TMEM132D: variants seen among roughly 807,000 people sequenced by gnomAD.
The protein encoded by TMEM132D is mature OL transmembrane protein.
TMEM132D carries 21 observed loss-of-function variants against 62.3 expected under a neutral mutation model. That is an observed-to-expected ratio of 0.34 (90% CI 0.24 to 0.49). TMEM132D has a LOEUF of 0.49. Ranked by LOEUF, TMEM132D falls within the 20% of genes least tolerant of loss-of-function variation. The pLI, the probability that TMEM132D is intolerant of heterozygous loss-of-function variation, is 0.99. For missense variants in TMEM132D, 1,346 were observed against 1,402.8 expected (o/e 0.96, Z 0.65); for synonymous variants, 621 against 575.6 (o/e 1.08, Z -1.13).
intron 4 of TMEM132D, among the ~76,000 whole-genome samples, chr12:129,332,860 A>T (rs537929548): frequency 5.6e-4 from 85 of 152,250 alleles, no homozygotes; most frequent in African/African-American, 1.9e-3. Flanking sequence ...GTGTCTGGGG[A>T]GGAGGGAAGA....
intron 3 of TMEM132D, among the ~76,000 whole-genome samples, chr12:129,502,978 G>A (rs777491792): frequency 1.3e-5 from 2 of 152,138 alleles, no homozygotes; most frequent in Non-Finnish European, 2.9e-5. Context: ...AACCTTGACT[G>A]TCTATCTTAT....
chr12:129,122,782 G>C (rs1168156518), intron 5 of TMEM132D, among the ~76,000 whole-genome samples: 1 of 152,110 alleles, frequency 6.6e-6, no homozygotes, highest in African/African-American at 2.4e-5. Context: ...ATGCAAAATA[G>C]GTTTTATCAG....
intron 1 of TMEM132D, among the ~76,000 whole-genome samples, chr12:129,822,010 G>A (rs1292514766): frequency 1.3e-5 from 2 of 152,216 alleles, no homozygotes; most frequent in Non-Finnish European, 2.9e-5. Context: ...GCAAAAGACA[G>A]ACGTGATCTT....
At chr12:129,301,704 T>C (rs535931941) in intron 4 of TMEM132D, among the ~76,000 whole-genome samples, 125 of 152,272 alleles carry the variant, frequency 8.2e-4, no homozygotes, top group African/African-American at 2.6e-3. Flanking sequence ...TTATGCATTA[T>C]TTAATTAAAG....
At chr12:129,187,736 T>C (rs761271979) in intron 5 of TMEM132D, among the ~76,000 whole-genome samples, 4 of 152,150 alleles carry the variant, frequency 2.6e-5, no homozygotes, top group Non-Finnish European at 5.9e-5. Context: ...TCCTGTGGAG[T>C]CATCCTTCCA....
chr12:129,721,807 A>G (rs544018096), intron 1 of TMEM132D, among the ~76,000 whole-genome samples: 13 of 152,282 alleles, frequency 8.5e-5, no homozygotes, highest in Admixed American at 7.2e-4. Context: ...AATCCATCCC[A>G]TTAGAGAGCA....
In TMEM132D at chr12:129,274,316, G is replaced by C. The variant is rs545022354; in HGVS notation, c.1299+63318C>G. 9.4e-5 allele frequency among the ~76,000 whole-genome samples: 14 copies of C among 149,422 alleles called. No individual in the cohort carries two copies. The South Asian group carries it at 2.7e-3, about 29-fold the overall frequency. ...GCATTCTTGGGTCTAGAGTTTATCAGCAAATAGAATTAGAAGCAACTTTAG... is the reference window on the plus strand; with the variant it reads ...GCATTCTTGGGTCTAGAGTTTATCACCAAATAGAATTAGAAGCAACTTTAG... On this transcript the variant is annotated intron_variant, in intron 4 of 8. Transcript: ENST00000422113.
chr12:129,700,509 A>T lies in TMEM132D; in HGVS notation c.269T>A (p.Leu90Gln), dbSNP rs78136296. ...CCCGTAGCTGGCATTGAGGACAGGC[A>T]GCCTCCTGGATTTGTAAATCAGAAA... Reference protein sequence around the residue: ...ESFLIYKSRRLPVLNASYGPF... With the variant: ...ESFLIYKSRRQPVLNASYGPF... The change falls in exon 2 of 9, where the codon CTG becomes CAG. Residue 90 changes from leucine to glutamine, a missense_variant. Leu to Gln is a moderately radical substitution (Grantham distance 113, BLOSUM62 -2). Transcript: ENST00000422113. The T allele has an allele frequency of 2.4e-3, 3,817 of 1,614,164 alleles. 138 individuals carry two copies. In the East Asian group the frequency reaches 0.066, roughly 28 times the overall value.
chr12:129,518,973 C>T (rs1018336169), intron 3 of TMEM132D, among the ~76,000 whole-genome samples: 2 of 152,124 alleles, frequency 1.3e-5, no homozygotes, highest in African/African-American at 4.8e-5. Context: ...TTCTTTGAAG[C>T]TTTCCATTGG....
intron 5 of TMEM132D, among the ~76,000 whole-genome samples, chr12:129,180,208 TGGGGAGGAG>T (rs1878025779): frequency 7.9e-6 from 1 of 127,086 alleles, no homozygotes; most frequent in Non-Finnish European, 1.7e-5. Flanking sequence ...GCACAGATAG[TGGGGAGGAG>T]GAGGAGGAGG....
At chr12:129,197,007 C>T (rs1198872916) in intron 5 of TMEM132D, among the ~76,000 whole-genome samples, 1 of 152,000 alleles carries the variant, frequency 6.6e-6, no homozygotes, top group African/African-American at 2.4e-5. Flanking sequence ...CAGTAGAGTC[C>T]ATGAGCAGAG....
intron 5 of TMEM132D, among the ~76,000 whole-genome samples, chr12:129,136,724 C>G (rs1391294952): frequency 6.6e-6 from 1 of 151,782 alleles, no homozygotes. Context: ...TCATCCCCAT[C>G]ACCACCACCA....
At chr12:129,460,121 A>G (rs1158652793) in intron 3 of TMEM132D, among the ~76,000 whole-genome samples, 1 of 152,178 alleles carries the variant, frequency 6.6e-6, no homozygotes, top group Non-Finnish European at 1.5e-5. Flanking sequence ...CCACAACTAC[A>G]ATCAAGACTG....
In TMEM132D at chr12:129,251,537, C is replaced by T. The variant is rs573735497; in HGVS notation, c.1300-41874G>A. Among the ~76,000 whole-genome samples, 20 of 152,236 alleles carry T rather than the reference C, an allele frequency of 1.3e-4. No individual in the cohort carries two copies. In the South Asian group the frequency reaches 3.5e-3, roughly 27 times the overall value. Reference sequence around the variant, plus strand: ...AGGCATCTCGGCATTCAATTTTATACTAAGCCCCTAAACTTTAAAGCTCGT... The same window carrying T: ...AGGCATCTCGGCATTCAATTTTATATTAAGCCCCTAAACTTTAAAGCTCGT... On this transcript the variant is annotated intron_variant, in intron 4 of 8. Coordinates refer to ENST00000422113, the MANE Select transcript of TMEM132D (RefSeq NM_133448.3).
At chr12:129,890,589 G>A (rs1485663157) in intron 1 of TMEM132D, among the ~76,000 whole-genome samples, 1 of 152,142 alleles carries the variant, frequency 6.6e-6, no homozygotes, top group East Asian at 1.9e-4. Flanking sequence ...GCACAATTGT[G>A]GAAAAGAGAT....
chr12:129,129,530 G>A (rs1260312022), intron 5 of TMEM132D, among the ~76,000 whole-genome samples: 1 of 152,190 alleles, frequency 6.6e-6, no homozygotes, highest in African/African-American at 2.4e-5. Context: ...TGGGTTGAAT[G>A]GTAGTTCTGG....
intron 1 of TMEM132D, 80 bp from the exon 2 acceptor site, chr12:129,700,778 T>G (rs1881368709): frequency 6.8e-7 from 1 of 1,473,908 alleles, no homozygotes; most frequent in African/African-American, 1.4e-5. Context: ...GCGTGCCCCC[T>G]TCATAACAGA....
chr12:129,623,220 A>T (rs890657775), intron 2 of TMEM132D, among the ~76,000 whole-genome samples: 1 of 152,110 alleles, frequency 6.6e-6, no homozygotes, highest in Non-Finnish European at 1.5e-5. Flanking sequence ...CCTTAACTAC[A>T]CATTTTATTT....
chr12:129,621,672 A>G (rs2137159760), intron 2 of TMEM132D, among the ~76,000 whole-genome samples: 1 of 152,304 alleles, frequency 6.6e-6, no homozygotes, highest in Non-Finnish European at 1.5e-5. Flanking sequence ...CATGTTAACT[A>G]TTCCAACCAT....
Sources: gnomAD v4.1 joint callset for allele counts (sites outside exome capture counted in the v4.1 genomes callset) on GRCh38, gnomAD v4.1.1 for gene constraint, MANE v1.5 for transcripts, NCBI Gene and HGNC (gene_info 2026-07-23, HGNC 2026-07-21) for gene names.